Variants in AMZ1 observed in about 807,000 individuals in gnomAD.
AMZ1 encodes the protein archaelysin family metallopeptidase 1.
In AMZ1, 39 loss-of-function variants were observed where a neutral mutation model predicts 29.9. That is an observed-to-expected ratio of 1.30 (90% CI 1.01 to 1.70). The LOEUF (loss-of-function observed/expected upper bound fraction) is 1.70. Among genes scored for constraint, AMZ1 ranks in the 40% most tolerant of loss-of-function variants. AMZ1 has a pLI of 0.00. For missense variants in AMZ1, 1,041 were observed against 680.6 expected (o/e 1.53, Z -5.89); for synonymous variants, 458 against 304.0 (o/e 1.51, Z -5.27).
At position 2,691,131 on chromosome 7, in the gene AMZ1, CAAAAA is replaced by C. The variant is rs35603123; in HGVS notation, c.-219+2850_-219+2854del. On this transcript the variant is annotated intron_variant, in intron 1 of 6. Transcript: ENST00000683327. ...TGCACTCCAGCCTGGGTGACAGAGG[CAAAAA>C]AAAAAAAAAAAAAAGCATTTCTCAT... Among the ~76,000 whole-genome samples, 10 of 68,736 alleles carry C rather than the reference CAAAAA, an allele frequency of 1.5e-4. 2 individuals carry two copies. Among genetic ancestry groups the C allele is most frequent in the Admixed American group, 6.9e-4 (4 of 5,764 alleles). The allele number at this position is 68,736 out of a possible 152,430, so 45.1% of individuals were successfully genotyped here.
At chr7:2,753,444 G>A (rs578029046) in intron 4 of AMZ1, among the ~76,000 whole-genome samples, 16 of 152,262 alleles carry the variant, frequency 1.1e-4, no homozygotes, top group African/African-American at 3.9e-4. Context: ...GGCAGCATGT[G>A]GCCTTTGGAA....
chr7:2,708,129 AG>A (rs1333802589), intron 3 of AMZ1, among the ~76,000 whole-genome samples: 4 of 151,916 alleles, frequency 2.6e-5, no homozygotes, highest in African/African-American at 7.3e-5. Context: ...GGCCTTACCG[AG>A]GGTTCTTGTG....
At chr7:2,753,153 G>GT (rs1791119030) in intron 4 of AMZ1, among the ~76,000 whole-genome samples, 1 of 146,818 alleles carries the variant, frequency 6.8e-6, no homozygotes, top group Non-Finnish European at 1.5e-5. Context: ...ACAGCATGCG[G>GT]CTTTTTTTTT....
At chr7:2,688,948 C>G (rs1787218818) in intron 1 of AMZ1, among the ~76,000 whole-genome samples, 1 of 152,236 alleles carries the variant, frequency 6.6e-6, no homozygotes, top group Non-Finnish European at 1.5e-5. Flanking sequence ...TTTCTGCCCC[C>G]ATCACGGGAG....
chr7:2,696,464 A>G (rs188716984), intron 1 of AMZ1, among the ~76,000 whole-genome samples: 5,396 of 148,758 alleles, frequency 0.036, 168 homozygotes, highest in Middle Eastern at 0.13. Flanking sequence ...TCACCATGTT[A>G]GCCAGGATGG....
intron 3 of AMZ1, among the ~76,000 whole-genome samples, chr7:2,704,013 C>A (rs937161129): frequency 1.3e-5 from 2 of 152,180 alleles, no homozygotes; most frequent in African/African-American, 4.8e-5. Flanking sequence ...CTCAGCCTCC[C>A]GCGTAGCTGG....
rs1788624717 is a variant in AMZ1 at position 2,709,637 on chromosome 7, C to T, written c.772-3C>T. 1.2e-6 allele frequency: 2 copies of T among 1,607,452 alleles called. No individual in the cohort carries two copies. Among genetic ancestry groups the T allele is most frequent in the Non-Finnish European group, 1.7e-6 (2 of 1,177,710 alleles). On this transcript the variant is annotated splice_polypyrimidine_tract_variant and splice_region_variant and intron_variant, in intron 5 of 6. Transcript: ENST00000683327. ...GCAAGGTGCTTGGTGGCCTTCCCCCCAGGTCACGTGCCACGAGCTCTGCCA... is the reference window on the plus strand; with the variant it reads ...GCAAGGTGCTTGGTGGCCTTCCCCCTAGGTCACGTGCCACGAGCTCTGCCA...
intron 4 of AMZ1, among the ~76,000 whole-genome samples, chr7:2,735,087 GC>G (rs1321178426): frequency 6.7e-6 from 1 of 148,542 alleles, no homozygotes; most frequent in Non-Finnish European, 1.5e-5. Flanking sequence ...ACAGGAAGCA[GC>G]TGGGAGAAGC....
At chr7:2,709,584 CT>C in intron 5 of AMZ1, 55 bp from the exon 6 acceptor site, 1 of 1,569,378 alleles carries the variant, frequency 6.4e-7, no homozygotes. Context: ...GCCTGGGGAT[CT>C]GCCGGATGCA....
At chr7:2,709,506 GA>G in intron 5 of AMZ1, 133 bp from the exon 6 acceptor site, 1 of 1,363,266 alleles carries the variant, frequency 7.3e-7, no homozygotes, top group Non-Finnish European at 9.8e-7. Context: ...GGGGCAGGGG[GA>G]GGGCGCCTGG....
upstream of AMZ1, chr7:2,762,488 C>G (rs758629683): frequency 5.2e-6 from 4 of 765,030 alleles, no homozygotes; most frequent in Non-Finnish European, 8.0e-6. Flanking sequence ...TGTGCGGGGC[C>G]TGAGGTGTGA....
chr7:2,717,806 C>T lies in AMZ1; in HGVS notation c.*4928C>T, dbSNP rs1367755548. 1.3e-5 allele frequency among the ~76,000 whole-genome samples: 2 copies of T among 152,168 alleles called. No homozygotes were observed. Among genetic ancestry groups the T allele is most frequent in the Non-Finnish European group, 2.9e-5 (2 of 68,016 alleles). On this transcript the variant is annotated 3_prime_UTR_variant, in exon 7 of 7. Coordinates refer to ENST00000683327, the MANE Select transcript of AMZ1 (RefSeq NM_001384743.1). ...AAGAATGGAGGTTTATTTTTGAACT[C>T]AGCTTCTTGGGTAGGGAGGCAAATG...
downstream of AMZ1, among the ~76,000 whole-genome samples, chr7:2,720,997 G>A (rs772181096): frequency 1.1e-4 from 17 of 152,296 alleles, no homozygotes; most frequent in Non-Finnish European, 2.2e-4. Flanking sequence ...CTGTTTATAC[G>A]AATGTCACAG....
chr7:2,754,187 C>CAGCA (rs1251791633), intron 4 of AMZ1, among the ~76,000 whole-genome samples: 1 of 152,208 alleles, frequency 6.6e-6, no homozygotes, highest in East Asian at 1.9e-4. Flanking sequence ...TGCTAGCTCA[C>CAGCA]AGCAGTCTGA....
rs1267185998 is a variant in AMZ1 at position 2,731,313 on chromosome 7, C to A, written n.550+21497C>A. On this transcript the variant is annotated intron_variant and non_coding_transcript_variant, in intron 4 of 4. Coordinates refer to the AMZ1 transcript ENST00000489665. This position sits in a 1 kb window ranked among gnomAD's most constrained non-coding sequence, Gnocchi z 6.0. ...AGAGTGGCTTGCTGCGGTTCCGTCT[C>A]TTCCTGTCGAAGCACTGGACCAGGT... is the stretch of plus-strand genomic sequence containing the variant. 1.9e-6 allele frequency: 3 copies of A among 1,614,004 alleles called. No individual in the cohort carries two copies. In the South Asian group the frequency reaches 3.3e-5, roughly 18 times the overall value.
At chr7:2,736,591 G>C (rs958424920) in intron 4 of AMZ1, among the ~76,000 whole-genome samples, 13 of 152,158 alleles carry the variant, frequency 8.5e-5, no homozygotes, top group African/African-American at 3.1e-4. Context: ...ACCTGTATTG[G>C]GCACAGCCGG....
intron 1 of AMZ1, among the ~76,000 whole-genome samples, chr7:2,698,804 C>A (rs1163069452): frequency 6.6e-6 from 1 of 152,150 alleles, no homozygotes; most frequent in Non-Finnish European, 1.5e-5. Context: ...CCACTGCACT[C>A]CAGCCTGGAC....
intron 6 of AMZ1, among the ~76,000 whole-genome samples, chr7:2,711,934 C>T (rs1044786948): frequency 2.6e-5 from 4 of 152,126 alleles, no homozygotes; most frequent in Non-Finnish European, 4.4e-5. Flanking sequence ...AAAATCCCTG[C>T]TACTCAGGAG....
At chr7:2,743,998 G>A (rs1057020376) in intron 4 of AMZ1, among the ~76,000 whole-genome samples, 9 of 152,224 alleles carry the variant, frequency 5.9e-5, no homozygotes, top group African/African-American at 2.2e-4. Flanking sequence ...GCCGAGACTT[G>A]ATTAGGTAAA....
Sources: gnomAD v4.1 joint callset for allele counts (sites outside exome capture counted in the v4.1 genomes callset) on GRCh38, gnomAD v4.1.1 for gene constraint, Gnocchi (gnomAD v3.1) non-coding constraint, MANE v1.5 for transcripts, NCBI Gene and HGNC (gene_info 2026-07-23, HGNC 2026-07-21) for gene names.